The following OTOGL variants were observed in gnomAD, a reference collection of about 807,000 sequenced individuals.
OTOGL encodes otogelin-like protein.
OTOGL carries 285 observed loss-of-function variants against 318.5 expected under a neutral mutation model. The ratio of observed to expected loss-of-function variants is 0.89; its 90% CI spans 0.81 to 0.99. The LOEUF is 0.99. Ranked by LOEUF, OTOGL falls within the 50% of genes least tolerant of loss-of-function variation. The pLI, the probability that OTOGL is intolerant of heterozygous loss-of-function variation, is 0.00. For missense variants in OTOGL, 2,899 were observed against 2,845.6 expected (o/e 1.02, Z -0.43); for synonymous variants, 987 against 936.5 (o/e 1.05, Z -0.99).
chr12:80,118,208 G>T (rs562842577), intron 1 of OTOGL, among the ~76,000 whole-genome samples: 1 of 152,314 alleles, frequency 6.6e-6, no homozygotes, highest in Admixed American at 6.5e-5. Flanking sequence ...AGCCTCTGAT[G>T]AGGGAAATTG....
intron 14 of OTOGL, 81 bp from the exon 15 acceptor site, chr12:80,254,443 G>T: frequency 9.6e-7 from 1 of 1,044,670 alleles, no homozygotes; most frequent in Non-Finnish European, 1.4e-6. Context: ...ATATATTTTG[G>T]TCCATTAATC....
At chr12:80,108,934 G>GTA (rs1320158539) in intron 1 of OTOGL, among the ~76,000 whole-genome samples, 15 of 92,666 alleles carry the variant, frequency 1.6e-4, no homozygotes, top group Non-Finnish European at 2.7e-4. Context: ...ATATATGTGT[G>GTA]TGTATATATA....
chr12:80,308,502 GGCTCCTC>G, intron 29 of OTOGL, among the ~76,000 whole-genome samples: 1 of 151,294 alleles, frequency 6.6e-6, no homozygotes, highest in Admixed American at 6.6e-5. Flanking sequence ...CAGGCAGAGG[GGCTCCTC>G]ACATCCCAGA....
Position 80,270,150 on chromosome 12 carries a change from T to C in OTOGL, c.2514T>C (p.Ser838=). The change falls in exon 23 of 59, where the codon TCT becomes TCC. Residue 838 remains serine, a synonymous_variant. Transcript: ENST00000547103. Reference sequence around the variant, plus strand: ...AATGTGATGAATTAGCAACGCCCTCTGCTGGTAAGATCTTAAAAGATGTTT... The same window carrying C: ...AATGTGATGAATTAGCAACGCCCTCCGCTGGTAAGATCTTAAAAGATGTTT... The part of the protein sequence containing the change: ...TVKCDELATP[S]AVHICPEGKE... 6.2e-7 allele frequency: 1 copy of C among 1,601,460 alleles called. No individual in the cohort carries two copies. The highest frequency in any genetic ancestry group is 8.6e-7 in the Non-Finnish European group (1 of 1,169,242).
chr12:80,272,059 C>T (rs1403692461), intron 24 of OTOGL, among the ~76,000 whole-genome samples: 1 of 152,100 alleles, frequency 6.6e-6, no homozygotes, highest in Non-Finnish European at 1.5e-5. Context: ...CCTGATGAAA[C>T]TGCAATTTTG....
At chr12:80,113,598 T>G (rs1186167398) in intron 1 of OTOGL, among the ~76,000 whole-genome samples, 2 of 151,982 alleles carry the variant, frequency 1.3e-5, no homozygotes, top group Non-Finnish European at 2.9e-5. Context: ...CTAATTTGAT[T>G]GCACTGTGGT....
At chr12:80,253,307 T>C (rs1041135884) in intron 13 of OTOGL, among the ~76,000 whole-genome samples, 159 bp from the exon 14 acceptor site, 2 of 152,180 alleles carry the variant, frequency 1.3e-5, no homozygotes, top group Non-Finnish European at 2.9e-5. Flanking sequence ...AGCTACTGCC[T>C]GAGAGTCAGG....
intron 46 of OTOGL, among the ~76,000 whole-genome samples, chr12:80,355,492 G>A (rs990966690): frequency 6.6e-6 from 1 of 151,732 alleles, no homozygotes; most frequent in African/African-American, 2.4e-5. Flanking sequence ...CCAAACTGCT[G>A]GGATTATAGG....
At chr12:80,237,800 T>C (rs1363517920) in intron 9 of OTOGL, among the ~76,000 whole-genome samples, 5 of 152,212 alleles carry the variant, frequency 3.3e-5, no homozygotes, top group African/African-American at 1.2e-4. Flanking sequence ...ATTATTTTTC[T>C]ACTTTGAAGA....
chr12:80,207,328 A>C (rs959282818), intron 1 of OTOGL, among the ~76,000 whole-genome samples: 75 of 152,144 alleles, frequency 4.9e-4, no homozygotes, highest in African/African-American at 1.7e-3. Flanking sequence ...CAGCCTCCTA[A>C]GTAGCTGGTA....
intron 44 of OTOGL, among the ~76,000 whole-genome samples, chr12:80,346,563 T>C (rs577266840): frequency 4.7e-4 from 71 of 152,314 alleles, no homozygotes; most frequent in African/African-American, 1.6e-3. Flanking sequence ...TTCACAAAAG[T>C]GGTGGGAACA....
chr12:80,271,215 A>C (rs904306208), intron 23 of OTOGL, among the ~76,000 whole-genome samples: 4 of 152,080 alleles, frequency 2.6e-5, no homozygotes, highest in Non-Finnish European at 5.9e-5. Context: ...CACTTGAGGC[A>C]ATTTATTTGA....
intron 11 of OTOGL, among the ~76,000 whole-genome samples, chr12:80,241,488 G>A (rs1231349600): frequency 1.3e-5 from 2 of 151,808 alleles, no homozygotes; most frequent in Non-Finnish European, 2.9e-5. Context: ...TTTAAGGATG[G>A]CTGTAGGTAG....
intron 29 of OTOGL, among the ~76,000 whole-genome samples, chr12:80,307,602 CTGGG>C (rs2137765347): frequency 3.5e-5 from 5 of 143,448 alleles, no homozygotes; most frequent in East Asian, 2.7e-4. Flanking sequence ...GGGCGGCTGG[CTGGG>C]CGGGGGGCTG....
intron 52 of OTOGL, among the ~76,000 whole-genome samples, chr12:80,360,649 T>C (rs1338804624): frequency 1.3e-5 from 2 of 151,766 alleles, no homozygotes; most frequent in African/African-American, 4.8e-5. Flanking sequence ...GCCCAGCTAA[T>C]TTTTTGTGTT....
At chr12:80,358,571 G>T in intron 50 of OTOGL, 100 bp from the exon 51 acceptor site, 2 of 991,474 alleles carry the variant, frequency 2.0e-6, no homozygotes, top group East Asian at 5.1e-5. Context: ...TGGGAAATAT[G>T]AATCCATGCA....
At chr12:80,335,931 GA>G (rs1456121808) in intron 38 of OTOGL, 31 bp from the exon 39 acceptor site, 3 of 1,490,950 alleles carry the variant, frequency 2.0e-6, no homozygotes, top group Admixed American at 2.1e-5. Flanking sequence ...AGCTGAGAAT[GA>G]AAAAACCCAC....
intron 32 of OTOGL, among the ~76,000 whole-genome samples, chr12:80,317,354 T>G (rs1449913843): frequency 6.6e-6 from 1 of 152,164 alleles, no homozygotes; most frequent in African/African-American, 2.4e-5. Flanking sequence ...TAGTCCAGAA[T>G]CAAGCTACCA....
chr12:80,328,856 G>A (rs1390564978), intron 36 of OTOGL, 112 bp downstream of exon 36: 2 of 1,130,240 alleles, frequency 1.8e-6, no homozygotes, highest in Non-Finnish European at 2.5e-6. Flanking sequence ...ACTCTCATAA[G>A]ATTATTCTTC....
Sources: allele counts gnomAD v4.1 joint callset (sites outside exome capture counted in the v4.1 genomes callset), GRCh38; gene constraint gnomAD v4.1.1; transcripts MANE v1.5; gene names NCBI Gene and HGNC (gene_info 2026-07-23, HGNC 2026-07-21).